The following PTPRD variants were observed in gnomAD, a reference collection of about 807,000 sequenced individuals.
The protein encoded by PTPRD is receptor-type tyrosine-protein phosphatase delta.
Under a neutral mutation model 214.5 loss-of-function variants are expected in PTPRD, and 34 were observed. The observed-to-expected ratio is 0.16, with a 90% CI of 0.12 to 0.21. The LOEUF (loss-of-function observed/expected upper bound fraction) is 0.21. PTPRD is among the 10% of genes least tolerant of loss of function. The pLI is 1.00. For missense variants in PTPRD, 2,545 were observed against 2,398.7 expected, an observed-to-expected ratio of 1.06 and a Z score of -1.27; for synonymous variants, 1,128 against 845.7, an observed-to-expected ratio of 1.33 and a Z score of -5.79.
intron 7 of PTPRD, among the ~76,000 whole-genome samples, chr9:9,710,396 C>CT (rs1295664804): frequency 6.6e-6 from 1 of 151,962 alleles, no homozygotes; most frequent in East Asian, 1.9e-4. Context: ...AAGAAACTTA[C>CT]TTAATCACCT....
chr9:9,914,618 G>A lies in PTPRD; in HGVS notation c.-368+23889C>T, dbSNP rs532987279. On this transcript the variant is annotated intron_variant, in intron 5 of 45. Transcript: ENST00000381196. ...TGCGTTCCGAGTACGTGTTTACCGC[G>A]CCTGTGTTCTGGCACTGTAGGCAAC... 5.3e-5 allele frequency among the ~76,000 whole-genome samples: 8 copies of A among 152,196 alleles called. No homozygotes were observed. The South Asian group carries it at 6.2e-4, about 12-fold the overall frequency.
chr9:9,228,309 T>G (rs4146137), intron 9 of PTPRD, among the ~76,000 whole-genome samples: 1 of 151,866 alleles, frequency 6.6e-6, no homozygotes, highest in African/African-American at 2.4e-5. Context: ...AACTCCCAGA[T>G]GGAATAAGAA....
rs540399263 is a variant in PTPRD at position 9,958,074 on chromosome 9, T to A, written c.-471-19464A>T. Among the ~76,000 whole-genome samples the A allele has an allele frequency of 2.6e-5, 4 of 152,258 alleles. No homozygotes were observed. The East Asian group carries it at 7.7e-4, about 29-fold the overall frequency. On this transcript the variant is annotated intron_variant, in intron 4 of 45. Transcript: ENST00000381196. ...TAGAGCTTACACCTTTCATAAAGCA[T>A]AACTTAAAATAGATCAAACACCTAA...
chr9:9,253,163 C>T (rs1322193233), intron 9 of PTPRD, among the ~76,000 whole-genome samples: 1 of 151,928 alleles, frequency 6.6e-6, no homozygotes, highest in Admixed American at 6.6e-5. Context: ...TTTGAAGTAC[C>T]TACTGACATA....
chr9:8,986,078 AT>A (rs1419654446), intron 11 of PTPRD, among the ~76,000 whole-genome samples: 1 of 152,052 alleles, frequency 6.6e-6, no homozygotes, highest in Non-Finnish European at 1.5e-5. Context: ...AAGGACCTTG[AT>A]AATTCAGTTA....
chr9:10,255,372 C>T (rs959782928), intron 3 of PTPRD, among the ~76,000 whole-genome samples: 3 of 152,126 alleles, frequency 2.0e-5, no homozygotes, highest in Non-Finnish European at 4.4e-5. Flanking sequence ...TACTGAATGC[C>T]ATAAGCAATT....
intron 8 of PTPRD, among the ~76,000 whole-genome samples, chr9:9,557,147 C>T (rs573976584): frequency 2.6e-5 from 4 of 152,114 alleles, no homozygotes; most frequent in South Asian, 4.2e-4. Flanking sequence ...TTATAGCTCC[C>T]GCAATTGACT....
chr9:9,068,343 C>G (rs1393302674), intron 10 of PTPRD, among the ~76,000 whole-genome samples: 6 of 152,106 alleles, frequency 3.9e-5, no homozygotes, highest in Non-Finnish European at 5.9e-5. Context: ...ATAGGTTTCC[C>G]CCTCCCAGGA....
At chr9:9,900,835 C>T (rs1452487022) in intron 5 of PTPRD, among the ~76,000 whole-genome samples, 3 of 152,096 alleles carry the variant, frequency 2.0e-5, no homozygotes, top group Non-Finnish European at 2.9e-5. Context: ...TGAGGTTTCA[C>T]CATGTTGGCT....
intron 9 of PTPRD, among the ~76,000 whole-genome samples, chr9:9,201,868 C>G (rs926195922): frequency 4.6e-5 from 7 of 152,158 alleles, no homozygotes; most frequent in African/African-American, 1.7e-4. Flanking sequence ...AAGCCTACAA[C>G]TGGAAGCTGT....
intron 2 of PTPRD, among the ~76,000 whole-genome samples, chr9:10,378,270 T>C (rs567689003): frequency 2.0e-5 from 3 of 152,162 alleles, no homozygotes; most frequent in South Asian, 4.1e-4. Flanking sequence ...GGGTTGTCTC[T>C]TTACTTTGTT....
Position 10,278,494 on chromosome 9 carries a change from A to G in PTPRD, c.-545+62469T>C, listed in dbSNP as rs930575026. On this transcript the variant is annotated intron_variant, in intron 3 of 45. Transcript: ENST00000381196. ...ACTTCTGGCTTCATCTAATTTGCAC[A>G]TAGTAATAAGATTCTAAGTAAGATT... Among the ~76,000 whole-genome samples the G allele has an allele frequency of 1.6e-4, 25 of 152,292 alleles. 1 individual carries two copies. The highest frequency in any genetic ancestry group is 1.3e-3 in the Admixed American group (20 of 15,296).
Position 10,475,600 on chromosome 9 carries a change from T to C in PTPRD, c.-599-134583A>G, listed in dbSNP as rs941434778. 4.0e-4 allele frequency among the ~76,000 whole-genome samples: 60 copies of C among 151,476 alleles called. 1 individual carries two copies. The highest frequency in any genetic ancestry group is 3.7e-3 in the Admixed American group (57 of 15,216). ...TTACTTCTGAAACTATTCCAAACAA[T>C]AGAAAAAAAGGGACTCCTCCTCAAC... is the stretch of plus-strand genomic sequence containing the variant. On this transcript the variant is annotated intron_variant, in intron 2 of 45. Coordinates refer to ENST00000381196, the MANE Select transcript of PTPRD (RefSeq NM_002839.4).
intron 30 of PTPRD, among the ~76,000 whole-genome samples, chr9:8,474,938 TTCTC>T (rs1412801985): frequency 1.3e-5 from 2 of 152,136 alleles, no homozygotes; most frequent in African/African-American, 4.8e-5. Flanking sequence ...ATTGTACTCC[TTCTC>T]TCTCATATAT....
rs978548174 is a variant in PTPRD at position 9,984,473 on chromosome 9, G to C, written c.-471-45863C>G. ...CGGTGTGCCAGACTGGACATGGTCT[G>C]TAGTCATGAGGCAAGTAGTAAGCAA... On this transcript the variant is annotated intron_variant, in intron 4 of 45. Coordinates refer to ENST00000381196, the MANE Select transcript of PTPRD (RefSeq NM_002839.4). Among the ~76,000 whole-genome samples the C allele has an allele frequency of 3.9e-5, 6 of 152,244 alleles. 1 individual carries two copies. The highest frequency in any genetic ancestry group is 1.4e-4 in the African/African-American group (6 of 41,544).
intron 45 of PTPRD, among the ~76,000 whole-genome samples, chr9:8,318,669 T>C (rs1824086880): frequency 6.6e-6 from 1 of 152,028 alleles, no homozygotes; most frequent in Non-Finnish European, 1.5e-5. Context: ...AAAAAATACC[T>C]GTAAATTCAG....
At chr9:8,578,728 C>T (rs1158155159) in intron 14 of PTPRD, among the ~76,000 whole-genome samples, 2 of 152,164 alleles carry the variant, frequency 1.3e-5, no homozygotes, top group Non-Finnish European at 2.9e-5. Context: ...TATTCCCCAT[C>T]CTCAAGTGTC....
chr9:8,616,225 C>T (rs887982977), intron 14 of PTPRD, among the ~76,000 whole-genome samples: 8 of 151,966 alleles, frequency 5.3e-5, no homozygotes, highest in Non-Finnish European at 8.8e-5. Context: ...TGAAGTGCAA[C>T]GGGCCAATGA....
chr9:10,451,131 TC>T (rs1566125501), intron 2 of PTPRD, among the ~76,000 whole-genome samples: 1 of 151,954 alleles, frequency 6.6e-6, no homozygotes, highest in East Asian at 1.9e-4. Context: ...TTTTGATATT[TC>T]TGATTAGTTT....
Sources: gnomAD v4.1 joint callset for allele counts (sites outside exome capture counted in the v4.1 genomes callset) on GRCh38, gnomAD v4.1.1 for gene constraint, MANE v1.5 for transcripts, NCBI Gene and HGNC (gene_info 2026-07-23, HGNC 2026-07-21) for gene names.